The following RANBP2 variants were observed in gnomAD, a reference collection of about 807,000 sequenced individuals.
The protein encoded by RANBP2 is RAN binding protein 2.
RANBP2 carries 57 observed loss-of-function variants against 303.6 expected under a neutral mutation model. That is an observed-to-expected ratio of 0.19 (90% CI 0.15 to 0.23). The LOEUF (loss-of-function observed/expected upper bound fraction) is 0.23, where lower values mean the gene tolerates loss of function less well. Ranked by LOEUF, RANBP2 falls within the 10% of genes least tolerant of loss-of-function variation. The pLI is 1.00. For synonymous variants in RANBP2, 1,167 were observed against 1,301.5 expected (o/e 0.90, Z 2.23); for missense variants, 3,138 against 3,780.8 (o/e 0.83, Z 4.46).
At chr2:108,819,200 C>T in the RANBP2 span, among the ~76,000 whole-genome samples, 3 of 152,120 alleles carry the variant, frequency 2.0e-5, no homozygotes, top group East Asian at 1.9e-4. Flanking sequence ...GAAGCTGCAG[C>T]ACTCAGGCTA....
rs1695146162 is a variant in RANBP2, at chr2:108,731,261, A to G, written c.253-61A>G. ...TTTTAACCTTTATATATAAGTATATATACTCCTACATACATACATACAATT... is the reference window on the plus strand; with the variant it reads ...TTTTAACCTTTATATATAAGTATATGTACTCCTACATACATACATACAATT... On this transcript the variant is annotated intron_variant, in intron 3 of 28. Transcript: ENST00000283195. 4.4e-6 allele frequency: 7 copies of G among 1,574,960 alleles called. No homozygotes were observed. The South Asian group carries it at 4.6e-5, about 10-fold the overall frequency.
chr2:109,584,990 T>C, the RANBP2 span: 3 of 432,542 alleles, frequency 6.9e-6, no homozygotes, highest in African/African-American at 2.0e-5. Flanking sequence ...TGTTTAATTA[T>C]TTTATTTTTA....
chr2:109,589,968 G>C, the RANBP2 span, among the ~76,000 whole-genome samples: 1 of 151,770 alleles, frequency 6.6e-6, no homozygotes, highest in African/African-American at 2.4e-5. Flanking sequence ...ACTGAGGTCA[G>C]AGTTTTTAAA....
chr2:109,632,284 T>C, the RANBP2 span, among the ~76,000 whole-genome samples: 1 of 152,142 alleles, frequency 6.6e-6, no homozygotes, highest in Non-Finnish European at 1.5e-5. Context: ...TAGCAAATGA[T>C]CAAACCTAAG....
At chr2:109,178,441 A>G in the RANBP2 span, among the ~76,000 whole-genome samples, 2 of 152,112 alleles carry the variant, frequency 1.3e-5, no homozygotes, top group African/African-American at 4.8e-5. Context: ...TGAGCTCTAG[A>G]TGGTCTCCTG....
the RANBP2 span, among the ~76,000 whole-genome samples, chr2:109,723,777 T>C: frequency 7.9e-5 from 12 of 152,246 alleles, no homozygotes; most frequent in Non-Finnish European, 4.4e-5. Flanking sequence ...TTTAATTAGA[T>C]CCCATTTGTC....
chr2:109,588,024 G>A, the RANBP2 span, among the ~76,000 whole-genome samples: 1 of 151,938 alleles, frequency 6.6e-6, no homozygotes, highest in Admixed American at 6.6e-5. Flanking sequence ...CTCAGAAGGC[G>A]GACATTGCAG....
At chr2:108,771,640 A>G (rs1221922071) in intron 20 of RANBP2, 61 bp from the exon 21 acceptor site, 16 of 1,595,652 alleles carry the variant, frequency 1.0e-5, no homozygotes, top group Non-Finnish European at 1.4e-5. Context: ...ATTTTCAGTT[A>G]GAGTATTAAC....
At chr2:109,196,637 G>A in the RANBP2 span, among the ~76,000 whole-genome samples, 2 of 152,174 alleles carry the variant, frequency 1.3e-5, no homozygotes, top group Non-Finnish European at 2.9e-5. Context: ...CTGTGGTTGC[G>A]GCTGTACCTG....
At chr2:109,324,979 G>C in the RANBP2 span, among the ~76,000 whole-genome samples, 1 of 152,192 alleles carries the variant, frequency 6.6e-6, no homozygotes, top group Admixed American at 6.5e-5. Flanking sequence ...CACAGTTTTG[G>C]CAAGGAAAAG....
the RANBP2 span, among the ~76,000 whole-genome samples, chr2:108,947,479 T>G: frequency 1.3e-5 from 2 of 152,218 alleles, no homozygotes; most frequent in Admixed American, 1.3e-4. Context: ...AGGTTCTCCA[T>G]GAGGGCTTCA....
chr2:108,969,520 T>C, the RANBP2 span, among the ~76,000 whole-genome samples: 5 of 152,368 alleles, frequency 3.3e-5, 1 homozygote, highest in Admixed American at 3.3e-4. Flanking sequence ...GATGTTGGCA[T>C]GAAGCAGACC....
the RANBP2 span, among the ~76,000 whole-genome samples, chr2:109,286,954 G>C: frequency 6.6e-6 from 1 of 152,216 alleles, no homozygotes; most frequent in African/African-American, 2.4e-5. Flanking sequence ...CTGCCCAGGT[G>C]GTTCCGCCAT....
At chr2:108,995,951 A>T in the RANBP2 span, among the ~76,000 whole-genome samples, 2 of 152,206 alleles carry the variant, frequency 1.3e-5, no homozygotes, top group Admixed American at 6.5e-5. Context: ...AGGCCTTATT[A>T]ATAAAGACTA....
chr2:109,673,876 GT>G, the RANBP2 span, among the ~76,000 whole-genome samples: 2 of 152,198 alleles, frequency 1.3e-5, no homozygotes, highest in South Asian at 2.1e-4. Context: ...ATATTTTCAG[GT>G]TTTTTCCCCC....
chr2:109,418,081 C>T, the RANBP2 span, among the ~76,000 whole-genome samples: 1 of 152,076 alleles, frequency 6.6e-6, no homozygotes, highest in African/African-American at 2.4e-5. Context: ...CAGGCACCTT[C>T]CCCATTCAGA....
At chr2:109,381,401 C>T in the RANBP2 span, among the ~76,000 whole-genome samples, 1 of 152,166 alleles carries the variant, frequency 6.6e-6, no homozygotes, top group African/African-American at 2.4e-5. Flanking sequence ...AACTTTAGCT[C>T]CTCTCTGGGC....
chr2:109,522,485 C>T, the RANBP2 span, among the ~76,000 whole-genome samples: 5 of 151,920 alleles, frequency 3.3e-5, no homozygotes, highest in African/African-American at 4.8e-5. Context: ...TTAGTAGAGA[C>T]GGGGTTTCAC....
At chr2:108,824,507 A>G in the RANBP2 span, among the ~76,000 whole-genome samples, 1 of 152,212 alleles carries the variant, frequency 6.6e-6, no homozygotes, top group Admixed American at 6.5e-5. Context: ...CGGGGCAATA[A>G]CACACATATA....
Sources: allele counts gnomAD v4.1 joint callset (sites outside exome capture counted in the v4.1 genomes callset), GRCh38; gene constraint gnomAD v4.1.1; transcripts MANE v1.5; gene names NCBI Gene and HGNC (gene_info 2026-07-23, HGNC 2026-07-21).